The following SVOP variants were observed in gnomAD, a reference collection of about 807,000 sequenced individuals.
SVOP encodes the protein synaptic vesicle 2-related protein.
A neutral mutation model predicts 69.1 loss-of-function variants in SVOP; 17 were observed. The observed-to-expected ratio is 0.25, with a 90% CI of 0.17 to 0.37. SVOP has a LOEUF of 0.37. SVOP is among the 10% of genes least tolerant of loss of function. The pLI is 1.00. For missense variants in SVOP, 435 were observed against 597.5 expected (o/e 0.73, Z 2.84); for synonymous variants, 238 against 238.6 (o/e 1.00, Z 0.02).
chr12:108,930,181 G>C (rs2039807782), intron 11 of SVOP, among the ~76,000 whole-genome samples: 1 of 152,182 alleles, frequency 6.6e-6, no homozygotes. Context: ...AGCAATGCTT[G>C]TTCATTTATA....
intron 13 of SVOP, among the ~76,000 whole-genome samples, chr12:108,919,406 CACCCACACCTGGGCCTAT>C (rs2039735079): frequency 6.6e-6 from 1 of 150,730 alleles, no homozygotes; most frequent in South Asian, 2.1e-4. Context: ...CCTGGGCCTG[CACCCACACCTGGGCCTAT>C]ACCCACACCT....
intron 13 of SVOP, among the ~76,000 whole-genome samples, chr12:108,919,361 TTGGGCCTATACCCACACC>T (rs1338634941): frequency 1.0e-4 from 12 of 120,470 alleles, no homozygotes; most frequent in Middle Eastern, 7.1e-3. Context: ...GCACCCACAC[TTGGGCCTATACCCACACC>T]TGGGCCTATA....
At position 108,979,598 on chromosome 12, in the gene SVOP, C is replaced by T. The variant is rs139980676; in HGVS notation, c.197-935G>A. On this transcript the variant is annotated intron_variant, in intron 2 of 15. Coordinates refer to ENST00000610966, the MANE Select transcript of SVOP (RefSeq NM_018711.5). ...GCACTCCGATGGAAAGATGTGCACACTATATTGTTAAGTGAAAAGCAAAAG... is the reference window on the plus strand; with the variant it reads ...GCACTCCGATGGAAAGATGTGCACATTATATTGTTAAGTGAAAAGCAAAAG... Among the ~76,000 whole-genome samples, 47 of 152,160 alleles carry T rather than the reference C, an allele frequency of 3.1e-4. No homozygotes were observed. The East Asian group carries it at 8.7e-3, about 28-fold the overall frequency.
chr12:108,990,285 TTTTATGGCTGCATAGTATTCCATGGTG>T (rs1461616560), intron 1 of SVOP, among the ~76,000 whole-genome samples: 4 of 152,168 alleles, frequency 2.6e-5, no homozygotes, highest in Non-Finnish European at 5.9e-5. Context: ...ACTCATCCTT[TTTTATGGCTGCATAGTATTCCATGGTG>T]TTTATGGCTG....
At chr12:109,003,291 A>G (rs1005856599) in intron 1 of SVOP, among the ~76,000 whole-genome samples, 2 of 152,192 alleles carry the variant, frequency 1.3e-5, no homozygotes, top group Non-Finnish European at 2.9e-5. Context: ...GTAATGTTTG[A>G]CATTTTTAAC....
At chr12:108,915,729 C>T in intron 15 of SVOP, 54 bp downstream of exon 15, 1 of 1,531,792 alleles carries the variant, frequency 6.5e-7, no homozygotes, top group Non-Finnish European at 8.8e-7. Flanking sequence ...AACTGCTTGC[C>T]ATGCATGGGG....
In SVOP at chr12:108,907,886, G is replaced by A. The variant is rs2039658473; in HGVS notation, c.*4649C>T. 1 of 152,272 alleles carries A rather than the reference G, an allele frequency of 6.6e-6. No individual in the cohort carries two copies. The highest frequency in any genetic ancestry group is 1.5e-5 in the Non-Finnish European group (1 of 68,074). 9.4% of individuals were successfully genotyped at this position (152,272 alleles called of 1,614,324 possible). A position where few individuals can be genotyped will look rare whatever the true frequency, so the allele number is the denominator to read the frequency against. ...TAAGAGAGTTCTGATGAATAGACTT[G>A]AGAGTTTATGCACATGTCACTGCAG... On this transcript the variant is annotated 3_prime_UTR_variant, in exon 16 of 16. Coordinates refer to ENST00000610966, the MANE Select transcript of SVOP (RefSeq NM_018711.5).
chr12:108,918,325 A>G (rs1055696802), intron 13 of SVOP, among the ~76,000 whole-genome samples: 3 of 152,224 alleles, frequency 2.0e-5, no homozygotes, highest in Non-Finnish European at 2.9e-5. Flanking sequence ...CATTCCTCAA[A>G]GTAACAGGCT....
chr12:108,917,927 T>G, intron 14 of SVOP, 116 bp downstream of exon 14: 14 of 799,956 alleles, frequency 1.8e-5, no homozygotes, highest in Non-Finnish European at 2.5e-5. Context: ...ATTATAGGCA[T>G]GAGCTACCGC....
intron 14 of SVOP, 33 bp downstream of exon 14, chr12:108,918,010 C>A (rs1434359632): frequency 6.6e-7 from 1 of 1,516,984 alleles, no homozygotes; most frequent in East Asian, 2.4e-5. Context: ...CCCCACTGCC[C>A]GTTCCCCAGC....
chr12:108,928,864 G>A (rs1042317713), intron 11 of SVOP, among the ~76,000 whole-genome samples: 3 of 152,044 alleles, frequency 2.0e-5, no homozygotes, highest in East Asian at 1.9e-4. Flanking sequence ...CACCATGCCC[G>A]GCCATTTTAT....
chr12:108,957,756 T>C (rs915564342), intron 6 of SVOP, among the ~76,000 whole-genome samples: 1 of 152,196 alleles, frequency 6.6e-6, no homozygotes, highest in Non-Finnish European at 1.5e-5. Flanking sequence ...AGGCATGAGA[T>C]CTCAGTCACC....
At chr12:108,983,383 C>T (rs932925366) in intron 2 of SVOP, among the ~76,000 whole-genome samples, 10 of 152,312 alleles carry the variant, frequency 6.6e-5, no homozygotes, top group African/African-American at 2.4e-4. Flanking sequence ...TTGCCATCCT[C>T]AGCCAAGTGT....
intron 12 of SVOP, among the ~76,000 whole-genome samples, chr12:108,921,856 C>A (rs562648184): frequency 3.9e-4 from 60 of 152,302 alleles, no homozygotes; most frequent in African/African-American, 1.4e-3. Flanking sequence ...AACGACTTCA[C>A]AAGATTAAAT....
chr12:108,938,787 C>A lies in SVOP; in HGVS notation c.897+40G>T, dbSNP rs761529468. ...TGCACACACTCCCCTGCATGCACCC[C>A]GATACGCACATTGCAGAGTCTATTG... is the stretch of plus-strand genomic sequence containing the variant. On this transcript the variant is annotated intron_variant, in intron 9 of 15. Transcript: ENST00000610966. 5.0e-6 allele frequency: 8 copies of A among 1,613,244 alleles called. No homozygotes were observed. In the Admixed American group the frequency reaches 6.7e-5, roughly 13 times the overall value.
At chr12:108,983,225 A>G (rs1292998565) in intron 2 of SVOP, among the ~76,000 whole-genome samples, 1 of 151,156 alleles carries the variant, frequency 6.6e-6, no homozygotes, top group Non-Finnish European at 1.5e-5. Context: ...CACCATCACC[A>G]TAATCATCAC....
At chr12:108,977,639 A>C in intron 3 of SVOP, 143 bp from the exon 4 acceptor site, 1 of 549,972 alleles carries the variant, frequency 1.8e-6, no homozygotes, top group Non-Finnish European at 3.3e-6. Flanking sequence ...ATCAAACCAC[A>C]CTCAAAGCTC....
At chr12:109,014,206 G>A (rs149557780) in intron 1 of SVOP, among the ~76,000 whole-genome samples, 10,850 of 152,068 alleles carry the variant, frequency 0.071, 437 homozygotes, top group Middle Eastern at 0.16. Context: ...AGTAGAGACT[G>A]GGTTTCACCA....
rs939055593 is a variant in SVOP at position 108,991,417 on chromosome 12, C to A, written c.36-7656G>T. On this transcript the variant is annotated intron_variant, in intron 1 of 15. Coordinates refer to ENST00000610966, the MANE Select transcript of SVOP (RefSeq NM_018711.5). ...GAGTTTGAGACCAGGCTGGGCAACACAGCAAGACCCCATCTCGGGTTTTGC... is the reference window on the plus strand; with the variant it reads ...GAGTTTGAGACCAGGCTGGGCAACAAAGCAAGACCCCATCTCGGGTTTTGC... 1.3e-4 allele frequency among the ~76,000 whole-genome samples: 19 copies of A among 151,960 alleles called. 1 individual carries two copies. The South Asian group carries it at 1.5e-3, about 12-fold the overall frequency.
Sources: gnomAD v4.1 joint callset for allele counts (sites outside exome capture counted in the v4.1 genomes callset) on GRCh38, gnomAD v4.1.1 for gene constraint, MANE v1.5 for transcripts, NCBI Gene and HGNC (gene_info 2026-07-23, HGNC 2026-07-21) for gene names.